TSC22D2: variants seen among roughly 807,000 people sequenced by gnomAD.
The protein encoded by TSC22D2 is TSC22 domain family protein 2.
TSC22D2 carries 5 observed loss-of-function variants against 50.1 expected under a neutral mutation model. The ratio of observed to expected loss-of-function variants is 0.10; its 90% CI spans 0.05 to 0.21. The LOEUF (loss-of-function observed/expected upper bound fraction) is 0.21. Among genes scored for constraint, TSC22D2 ranks in the 10% least tolerant of loss-of-function variants. The pLI, the probability that TSC22D2 is intolerant of heterozygous loss-of-function variation, is 1.00. For synonymous variants in TSC22D2, 501 were observed against 450.1 expected (o/e 1.11, Z -1.43); for missense variants, 1,003 against 1,015.5 (o/e 0.99, Z 0.17).
chr3:150,448,318 A>C (rs890046737), intron 1 of TSC22D2, among the ~76,000 whole-genome samples: 1 of 152,058 alleles, frequency 6.6e-6, no homozygotes, highest in Non-Finnish European at 1.5e-5. Context: ...GCTAACAACA[A>C]ATTTTAAAAA....
At chr3:150,422,156 A>G (rs1048678244) in intron 1 of TSC22D2, among the ~76,000 whole-genome samples, 1 of 152,244 alleles carries the variant, frequency 6.6e-6, no homozygotes. Context: ...CTGTTCTGCT[A>G]CAGCATGGGC....
At chr3:150,439,809 A>T (rs750569946) in intron 1 of TSC22D2, among the ~76,000 whole-genome samples, 7 of 152,184 alleles carry the variant, frequency 4.6e-5, no homozygotes, top group Non-Finnish European at 7.4e-5. Flanking sequence ...TTCTAATGAG[A>T]ACATTGGTCA....
intron 1 of TSC22D2, among the ~76,000 whole-genome samples, chr3:150,436,059 C>T (rs1479334333): frequency 2.0e-5 from 3 of 152,104 alleles, no homozygotes; most frequent in African/African-American, 4.8e-5. Context: ...GGATGTCCTA[C>T]ATGTTGGAAT....
intron 2 of TSC22D2, 22 bp downstream of exon 2, chr3:150,457,149 T>C (rs1198480494): frequency 6.2e-7 from 1 of 1,604,176 alleles, no homozygotes; most frequent in African/African-American, 1.3e-5. Context: ...TTTACAGTTC[T>C]CCCATTTCAT....
Position 150,409,291 on chromosome 3 carries a change from C to G in TSC22D2, c.-60C>G. The G allele has an allele frequency of 6.6e-7, 1 of 1,521,678 alleles. No homozygotes were observed. The highest frequency in any genetic ancestry group is 8.8e-7 in the Non-Finnish European group (1 of 1,132,316). The allele number at this position is 1,521,678 out of a possible 1,614,324, so 94.3% of individuals were successfully genotyped here. Reference sequence around the variant, plus strand: ...TTGGGGGCCCGTGCTCTGCCCTCCCCGGTTTCCGACAGGACCCAGAGGAGC... The same window carrying G: ...TTGGGGGCCCGTGCTCTGCCCTCCCGGGTTTCCGACAGGACCCAGAGGAGC... On this transcript the variant is annotated 5_prime_UTR_variant, in exon 1 of 3. Transcript: ENST00000688009. This position sits in a 1 kb window ranked among gnomAD's most constrained non-coding sequence, Gnocchi z 7.4.
Position 150,410,544 on chromosome 3 carries a change from C to T in TSC22D2, c.1194C>T (p.Ser398=). 1 of 1,560,284 alleles carries T rather than the reference C, an allele frequency of 6.4e-7. No homozygotes were observed. Among genetic ancestry groups the T allele is most frequent in the Non-Finnish European group, 8.7e-7 (1 of 1,154,342 alleles). ...LQPPSPAQPS[S]TGAAASPATA... ...CGCCAAGCCCCGCGCAGCCCTCGTC[C>T]ACCGGCGCCGCAGCGAGCCCCGCCA... Residue 398 remains serine (S), a synonymous_variant, in exon 1 of 3, where the codon TCC becomes TCT. Transcript: ENST00000688009.
chr3:150,442,737 G>T (rs1720758538), intron 1 of TSC22D2, among the ~76,000 whole-genome samples: 1 of 152,166 alleles, frequency 6.6e-6, no homozygotes, highest in African/African-American at 2.4e-5. Context: ...TCCAAGGCAG[G>T]AGGATTGCTT....
chr3:150,430,364 CAG>C (rs1720339192), intron 1 of TSC22D2, among the ~76,000 whole-genome samples: 1 of 152,042 alleles, frequency 6.6e-6, no homozygotes, highest in Non-Finnish European at 1.5e-5. Context: ...AGATTAGAGA[CAG>C]AGATTCTAGA....
Position 150,458,678 on chromosome 3 carries a change from T to C in TSC22D2, c.*42T>C, listed in dbSNP as rs1300195628. On this transcript the variant is annotated 3_prime_UTR_variant, in exon 3 of 3. Transcript: ENST00000688009. The stretch of plus-strand genomic sequence containing the variant: ...ATTAAGAAAAAAACTGAAAGCAATC[T>C]ATCCTTGTGTGCCACTGGTGTTCTT... The C allele has an allele frequency of 3.7e-6, 6 of 1,603,684 alleles. No individual in the cohort carries two copies. The highest frequency in any genetic ancestry group is 5.1e-6 in the Non-Finnish European group (6 of 1,174,794).
Position 150,424,980 on chromosome 3 carries a change from G to A in TSC22D2, c.1958+13672G>A, listed in dbSNP as rs142556375. 3.4e-4 allele frequency among the ~76,000 whole-genome samples: 51 copies of A among 152,216 alleles called. No individual in the cohort carries two copies. The East Asian group carries it at 6.9e-3, about 21-fold the overall frequency. ...TTAGTTTTAATAGTCTACACTTTCA[G>A]TTGGCAACTATCTACAGAATTACTG... On this transcript the variant is annotated intron_variant, in intron 1 of 2. Transcript: ENST00000688009.
intron 2 of TSC22D2, among the ~76,000 whole-genome samples, chr3:150,457,771 G>C (rs62269065): frequency 0.25 from 37,682 of 151,918 alleles, 4,883 homozygotes; most frequent in Middle Eastern, 0.41. Flanking sequence ...GAGTAGTTGG[G>C]AGCACAGGCA....
intron 1 of TSC22D2, among the ~76,000 whole-genome samples, chr3:150,438,997 G>GT (rs1720634132): frequency 6.6e-6 from 1 of 151,976 alleles, no homozygotes; most frequent in Non-Finnish European, 1.5e-5. Context: ...ATTTTGCTTT[G>GT]TTTTACACAG....
chr3:150,456,375 A>T (rs1437850249), intron 1 of TSC22D2, among the ~76,000 whole-genome samples: 1 of 151,624 alleles, frequency 6.6e-6, no homozygotes, highest in Non-Finnish European at 1.5e-5. Flanking sequence ...TTTAGTAGAG[A>T]TGGGTTTTCA....
At chr3:150,439,116 G>GA (rs1264892885) in intron 1 of TSC22D2, among the ~76,000 whole-genome samples, 1 of 151,978 alleles carries the variant, frequency 6.6e-6, no homozygotes, top group Admixed American at 6.6e-5. Context: ...AAAGGAGTCT[G>GA]GATTATTTGT....
In TSC22D2 at chr3:150,456,351, A is replaced by AT. The variant is rs1307280056; in HGVS notation, c.1959-717dup. Among the ~76,000 whole-genome samples, 10 of 151,166 alleles carry AT rather than the reference A, an allele frequency of 6.6e-5. No homozygotes were observed. In the East Asian group the frequency reaches 1.6e-3, roughly 23 times the overall value. ...CAGGCACCCGCCCCAAGCCTGGCTA[A>AT]TTTTTTTTGTATTTTTAGTAGAGAT... On this transcript the variant is annotated intron_variant, in intron 1 of 2. Transcript: ENST00000688009.
Position 150,410,112 on chromosome 3 carries a change from G to A in TSC22D2, c.762G>A (p.Pro254=), listed in dbSNP as rs1380132717. Residue 254 remains proline, a synonymous_variant, in exon 1 of 3, where the codon CCG becomes CCA. Coordinates refer to ENST00000688009, the MANE Select transcript of TSC22D2 (RefSeq NM_001303264.2). ...SSLTAVSQLP[P]SEKMSQPTPA... Reference sequence around the variant, plus strand: ...TGACTGCTGTGTCACAGCTACCCCCGTCGGAGAAAATGAGCCAGCCCACTC... The same window carrying A: ...TGACTGCTGTGTCACAGCTACCCCCATCGGAGAAAATGAGCCAGCCCACTC... 6.2e-7 allele frequency: 1 copy of A among 1,612,546 alleles called. No individual in the cohort carries two copies. The highest frequency in any genetic ancestry group is 8.5e-7 in the Non-Finnish European group (1 of 1,179,914).
At chr3:150,432,784 CT>C (rs1275109308) in intron 1 of TSC22D2, among the ~76,000 whole-genome samples, 1 of 152,010 alleles carries the variant, frequency 6.6e-6, no homozygotes, top group East Asian at 1.9e-4. Context: ...GTTGGGCAAC[CT>C]TTTGGGAAGA....
intron 1 of TSC22D2, among the ~76,000 whole-genome samples, chr3:150,443,313 G>A (rs144658373): frequency 5.3e-5 from 8 of 152,312 alleles, no homozygotes; most frequent in Non-Finnish European, 1.0e-4. Flanking sequence ...AAAGTCTGTG[G>A]AGACATTGAA....
intron 1 of TSC22D2, among the ~76,000 whole-genome samples, chr3:150,436,368 G>A (rs1478790933): frequency 1.3e-5 from 2 of 151,802 alleles, no homozygotes; most frequent in African/African-American, 2.4e-5. Flanking sequence ...AAAGGGTCAA[G>A]CAGTCGGCCC....
Sources: allele counts gnomAD v4.1 joint callset (sites outside exome capture counted in the v4.1 genomes callset), GRCh38; gene constraint gnomAD v4.1.1; non-coding constraint Gnocchi (gnomAD v3.1); transcripts MANE v1.5; gene names NCBI Gene and HGNC (gene_info 2026-07-23, HGNC 2026-07-21).